The following RP1 variants were observed in gnomAD, a reference collection of about 807,000 sequenced individuals.
RP1 encodes oxygen-regulated protein 1.
RP1 carries 16 observed loss-of-function variants against 14.8 expected under a neutral mutation model. The observed-to-expected ratio is 1.08, with a 90% confidence interval of 0.73 to 1.65. The LOEUF is 1.65. Ranked by LOEUF, RP1 falls within the 40% of genes most tolerant of loss-of-function variation. RP1 has a pLI of 0.00. For synonymous variants in RP1, 876 were observed against 883.6 expected, an observed-to-expected ratio of 0.99 and a Z score of 0.15; for missense variants, 2,631 against 2,535.0, an observed-to-expected ratio of 1.04 and a Z score of -0.81.
At chr8:54,744,520 G>T (rs1324595237) in intron 19 of RP1, among the ~76,000 whole-genome samples, 1 of 152,216 alleles carries the variant, frequency 6.6e-6, no homozygotes, top group East Asian at 1.9e-4. Context: ...TACATAGACT[G>T]GAATTTGTCA....
At chr8:54,787,255 T>C (rs1810341130) in intron 24 of RP1, among the ~76,000 whole-genome samples, 1 of 152,002 alleles carries the variant, frequency 6.6e-6, no homozygotes, top group South Asian at 2.1e-4. Context: ...AAGAGCAAAA[T>C]GTCCATTACG....
At position 54,778,630 on chromosome 8, in the gene RP1, T is replaced by C. The variant is rs533591696; in HGVS notation, c.3452-4917T>C. On this transcript the variant is annotated intron_variant, in intron 23 of 28. Coordinates refer to the RP1 transcript ENST00000637698. ...GAGCCACAATGCCCAGCCATGTTAA[T>C]GCTTCTTAAGAGAAGGTGACCTTTG... 1.0e-3 allele frequency among the ~76,000 whole-genome samples: 153 copies of C among 152,254 alleles called. 1 individual carries two copies. Among genetic ancestry groups the C allele is most frequent in the African/African-American group, 3.5e-3 (145 of 41,566 alleles).
intron 25 of RP1, among the ~76,000 whole-genome samples, chr8:54,850,199 C>A (rs1812027933): frequency 1.3e-5 from 2 of 152,152 alleles, no homozygotes; most frequent in East Asian, 1.9e-4. Flanking sequence ...GTAATAGCCA[C>A]TTCTAAAAAA....
Position 54,825,372 on chromosome 8 carries a change from A to G in RP1, c.3616-12078A>G, listed in dbSNP as rs573895661. Among the ~76,000 whole-genome samples the G allele has an allele frequency of 2.6e-5, 4 of 152,336 alleles. No individual in the cohort carries two copies. In the East Asian group the frequency reaches 5.8e-4, roughly 22 times the overall value. On this transcript the variant is annotated intron_variant, in intron 24 of 28. Coordinates refer to the RP1 transcript ENST00000637698. Reference sequence around the variant, plus strand: ...TTATTCAATACAGTGGTAAAAGTTCAGGAAATAAAAAGCATAGAGATTAGA... The same window carrying G: ...TTATTCAATACAGTGGTAAAAGTTCGGGAAATAAAAAGCATAGAGATTAGA...
chr8:54,784,256 G>C (rs1054731909), intron 24 of RP1, among the ~76,000 whole-genome samples: 3 of 151,998 alleles, frequency 2.0e-5, no homozygotes, highest in Admixed American at 6.6e-5. Context: ...TCTTTACTTC[G>C]TAGGGTTAGA....
Position 54,626,413 on chromosome 8 carries a change from C to T in RP1, c.2531C>T (p.Ser844Phe), listed in dbSNP as rs1806051320. ...CCGCAATCTCAAGCAGAAGTGGCATCTGGGTATTTGAGAGGAATGGCAAAG... is the reference window on the plus strand; with the variant it reads ...CCGCAATCTCAAGCAGAAGTGGCATTTGGGTATTTGAGAGGAATGGCAAAG... ...YAPQSQAEVA[S>F]GYLRGMAKKS... The change falls in exon 4 of 4, where the codon TCT (serine) becomes TTT (phenylalanine). Residue 844 changes from serine (S) to phenylalanine (F), a missense_variant. Transcript: ENST00000220676. 6.2e-7 allele frequency: 1 copy of T among 1,613,496 alleles called. No individual in the cohort carries two copies. The highest frequency in any genetic ancestry group is 1.3e-5 in the African/African-American group (1 of 74,906).
chr8:54,818,011 A>G (rs1811174573), intron 24 of RP1, among the ~76,000 whole-genome samples: 1 of 152,206 alleles, frequency 6.6e-6, no homozygotes, highest in African/African-American at 2.4e-5. Context: ...ACCAAATGAA[A>G]TGCCCACAAC....
At chr8:54,728,482 T>G (rs1808712693) in intron 17 of RP1, among the ~76,000 whole-genome samples, 1 of 152,210 alleles carries the variant, frequency 6.6e-6, no homozygotes, top group African/African-American at 2.4e-5. Context: ...TGAGACTATG[T>G]TTGTCCACCC....
At chr8:54,790,278 C>T (rs994308435) in intron 24 of RP1, among the ~76,000 whole-genome samples, 4 of 152,198 alleles carry the variant, frequency 2.6e-5, no homozygotes, top group Non-Finnish European at 5.9e-5. Flanking sequence ...GAAAGCATAA[C>T]CTACCTGTGA....
At chr8:54,730,396 A>G (rs771984548) in intron 17 of RP1, among the ~76,000 whole-genome samples, 1 of 152,008 alleles carries the variant, frequency 6.6e-6, no homozygotes, top group South Asian at 2.1e-4. Context: ...ATGGTTTTAG[A>G]CTCTTCACCT....
chr8:54,716,960 C>T (rs1313595228), intron 15 of RP1, among the ~76,000 whole-genome samples: 1 of 152,156 alleles, frequency 6.6e-6, no homozygotes, highest in Non-Finnish European at 1.5e-5. Flanking sequence ...CTTTGCTACA[C>T]CAAGAATCAA....
chr8:54,720,254 A>G (rs1204253571), exon 16 of RP1: 5 of 1,535,962 alleles, frequency 3.3e-6, no homozygotes, highest in Non-Finnish European at 4.4e-6. Context: ...AGGCAAAACC[A>G]ATGATTTATA....
chr8:54,761,413 T>G (rs1344497887), intron 22 of RP1, among the ~76,000 whole-genome samples: 1 of 151,824 alleles, frequency 6.6e-6, no homozygotes, highest in African/African-American at 2.4e-5. Context: ...ATTTTTGTAT[T>G]TTTAGTTGAG....
intron 1 of RP1, among the ~76,000 whole-genome samples, chr8:54,590,258 C>T (rs1476613143): frequency 1.3e-5 from 2 of 152,162 alleles, no homozygotes; most frequent in East Asian, 1.9e-4. Context: ...CATAGCCCTC[C>T]TCTGGCATTG....
chr8:54,795,951 C>T (rs916711428), intron 24 of RP1, among the ~76,000 whole-genome samples: 15 of 152,210 alleles, frequency 9.9e-5, no homozygotes, highest in Non-Finnish European at 2.2e-4. Flanking sequence ...TTACCTCTTT[C>T]TCTTTCCATT....
intron 3 of RP1, among the ~76,000 whole-genome samples, chr8:54,642,650 C>CA (rs1806473367): frequency 6.6e-6 from 1 of 152,080 alleles, no homozygotes; most frequent in African/African-American, 2.4e-5. Flanking sequence ...ATATTTGCTA[C>CA]TTAGATAAGG....
intron 24 of RP1, among the ~76,000 whole-genome samples, chr8:54,812,591 T>C (rs553534658): frequency 6.6e-6 from 1 of 152,378 alleles, no homozygotes; most frequent in South Asian, 2.1e-4. Flanking sequence ...GTTATTTAAT[T>C]TTATTTTAAG....
At chr8:54,645,813 G>C (rs901692337) in intron 3 of RP1, among the ~76,000 whole-genome samples, 3 of 152,082 alleles carry the variant, frequency 2.0e-5, no homozygotes, top group African/African-American at 7.2e-5. Context: ...GAAGTTCTTT[G>C]TGAAAAATAT....
intron 13 of RP1, among the ~76,000 whole-genome samples, chr8:54,700,003 G>A (rs1209203697): frequency 2.0e-5 from 3 of 152,006 alleles, no homozygotes; most frequent in Non-Finnish European, 4.4e-5. Flanking sequence ...TGTTTTAAGT[G>A]CTTAATATGT....
Sources: gnomAD v4.1 joint callset for allele counts (sites outside exome capture counted in the v4.1 genomes callset) on GRCh38, gnomAD v4.1.1 for gene constraint, MANE v1.5 for transcripts, NCBI Gene and HGNC (gene_info 2026-07-23, HGNC 2026-07-21) for gene names.